The following DAB1 variants were observed in gnomAD, a reference collection of about 807,000 sequenced individuals.
The protein encoded by DAB1 is DAB adaptor protein 1, also known as disabled homolog 1.
Under a neutral mutation model 64.6 loss-of-function variants are expected in DAB1, and 15 were observed. The ratio of observed to expected loss-of-function variants is 0.23; its 90% CI spans 0.16 to 0.36. The LOEUF (loss-of-function observed/expected upper bound fraction) is 0.36, where lower values mean the gene tolerates loss of function less well. Ranked by LOEUF, DAB1 falls within the 10% of genes least tolerant of loss-of-function variation. The pLI is 1.00. For missense variants in DAB1, 596 were observed against 706.7 expected (o/e 0.84, Z 1.78); for synonymous variants, 235 against 251.9 (o/e 0.93, Z 0.64).
At chr1:57,352,432 G>A (rs947406802) in intron 1 of DAB1, among the ~76,000 whole-genome samples, 13 of 152,204 alleles carry the variant, frequency 8.5e-5, no homozygotes, top group South Asian at 4.1e-4. Flanking sequence ...AATGTTGGAC[G>A]AATTTTGGCT....
chr1:57,025,980 CG>C lies in DAB1; in HGVS notation c.786del (p.Thr263LeufsTer70). On this transcript the variant is annotated frameshift_variant and splice_region_variant, in exon 10 of 15. Coordinates refer to ENST00000371236, the MANE Select transcript of DAB1 (RefSeq NM_001365792.1). LOFTEE classifies it high-confidence loss of function. ...MSTPPDITSP[P>X]TPATPGDAFI... ...GGGTTCAGAGAGCAATGCATACTTA[CG>C]GGGGGAGAGGTTATATCAGGGGGTG... 1 of 1,574,330 alleles carries C rather than the reference CG, an allele frequency of 6.4e-7. No homozygotes were observed. The highest frequency in any genetic ancestry group is 1.9e-5 in the Admixed American group (1 of 52,592).
chr1:57,465,379 C>A (rs1161367452), intron 7 of DAB1, among the ~76,000 whole-genome samples: 1 of 152,186 alleles, frequency 6.6e-6, no homozygotes, highest in Non-Finnish European at 1.5e-5. Flanking sequence ...TGATTTTCCA[C>A]CTTTGCCTTC....
intron 6 of DAB1, among the ~76,000 whole-genome samples, chr1:57,692,627 C>G (rs1330542329): frequency 6.6e-6 from 1 of 152,116 alleles, no homozygotes; most frequent in African/African-American, 2.4e-5. Flanking sequence ...TTCTGTCTAC[C>G]AGCCAAGGCA....
intron 4 of DAB1, among the ~76,000 whole-genome samples, chr1:57,078,313 G>A (rs978179724): frequency 6.6e-6 from 1 of 152,174 alleles, no homozygotes; most frequent in Non-Finnish European, 1.5e-5. Flanking sequence ...TGTGGAATCA[G>A]AAGAAATGCA....
At chr1:57,848,265 G>C (rs1653373684) in intron 1 of DAB1, among the ~76,000 whole-genome samples, 1 of 152,204 alleles carries the variant, frequency 6.6e-6, no homozygotes, top group African/African-American at 2.4e-5. Flanking sequence ...AGTGAATCTA[G>C]ACACTAATGA....
At chr1:58,393,947 TAA>T (rs765532857) in intron 3 of DAB1, among the ~76,000 whole-genome samples, 2 of 152,210 alleles carry the variant, frequency 1.3e-5, no homozygotes, top group Non-Finnish European at 2.9e-5. Context: ...TTCCATTATG[TAA>T]ACGTATTTCA....
At chr1:58,499,515 TAG>T (rs1349547548) in intron 3 of DAB1, among the ~76,000 whole-genome samples, 2 of 151,894 alleles carry the variant, frequency 1.3e-5, no homozygotes, top group African/African-American at 4.8e-5. Flanking sequence ...GATAAATAGA[TAG>T]ATAGATAGAT....
intron 1 of DAB1, among the ~76,000 whole-genome samples, chr1:57,386,039 T>G (rs1681786637): frequency 6.6e-6 from 1 of 152,120 alleles, no homozygotes; most frequent in South Asian, 2.1e-4. Flanking sequence ...GGTGAGTGAC[T>G]GGGCTACTCA....
At chr1:57,474,490 A>G (rs1289359943) in intron 7 of DAB1, among the ~76,000 whole-genome samples, 1 of 152,232 alleles carries the variant, frequency 6.6e-6, no homozygotes, top group African/African-American at 2.4e-5. Context: ...GTTTGGATCC[A>G]TTAGGAAGTA....
rs184676327 is a variant in DAB1 at position 57,089,936 on chromosome 1, C to T, written c.307-17522G>A. 1.2e-4 allele frequency among the ~76,000 whole-genome samples: 18 copies of T among 152,212 alleles called. No individual in the cohort carries two copies. The East Asian group carries it at 2.7e-3, about 23-fold the overall frequency. On this transcript the variant is annotated intron_variant, in intron 4 of 14. Transcript: ENST00000371236. The stretch of plus-strand genomic sequence containing the variant: ...ATATATAATTGCATATTTTATAATA[C>T]GAGGCAGATAAGAATGTGACTGAGT...
chr1:58,207,888 C>A (rs1263845864), intron 4 of DAB1, among the ~76,000 whole-genome samples: 1 of 152,094 alleles, frequency 6.6e-6, no homozygotes, highest in Non-Finnish European at 1.5e-5. Flanking sequence ...GAAGGACATA[C>A]CTGAGACTGA....
chr1:57,621,935 G>A (rs1645864562), intron 7 of DAB1, among the ~76,000 whole-genome samples: 1 of 152,298 alleles, frequency 6.6e-6, no homozygotes, highest in African/African-American at 2.4e-5. Flanking sequence ...CAGACATAGA[G>A]CAAGGCATCA....
At chr1:57,299,242 A>T (rs1447437336) in intron 1 of DAB1, among the ~76,000 whole-genome samples, 1 of 152,236 alleles carries the variant, frequency 6.6e-6, no homozygotes, top group East Asian at 1.9e-4. Context: ...TAAAATCTTG[A>T]ATTAAACAAA....
intron 4 of DAB1, among the ~76,000 whole-genome samples, chr1:57,135,746 G>T (rs146487620): frequency 0.012 from 1,780 of 152,202 alleles, 35 homozygotes; most frequent in Non-Finnish European, 0.014. Flanking sequence ...ATGTAACTCC[G>T]CTGGTTAAGT....
intron 1 of DAB1, among the ~76,000 whole-genome samples, chr1:57,831,108 T>C (rs181205877): frequency 1.3e-4 from 20 of 152,088 alleles, no homozygotes; most frequent in African/African-American, 4.8e-4. Context: ...ATAGACGGGG[T>C]TTCACCACGT....
At chr1:57,212,589 G>A (rs565512254) in intron 2 of DAB1, among the ~76,000 whole-genome samples, 10 of 151,704 alleles carry the variant, frequency 6.6e-5, no homozygotes, top group East Asian at 3.9e-4. Flanking sequence ...GGATGTTCTC[G>A]ATCTCCTAAC....
intron 1 of DAB1, among the ~76,000 whole-genome samples, chr1:57,843,951 C>G (rs1257278775): frequency 2.0e-5 from 3 of 152,230 alleles, no homozygotes; most frequent in Admixed American, 6.5e-5. Flanking sequence ...TGGAAGTTCT[C>G]TAGCCTAATG....
chr1:58,224,367 C>A (rs1289375376), intron 4 of DAB1, among the ~76,000 whole-genome samples: 1 of 152,126 alleles, frequency 6.6e-6, no homozygotes, highest in Non-Finnish European at 1.5e-5. Flanking sequence ...TAAAGGCAAC[C>A]TCACTAAAGG....
intron 2 of DAB1, among the ~76,000 whole-genome samples, chr1:57,227,062 G>A (rs1327248948): frequency 6.6e-6 from 1 of 151,688 alleles, no homozygotes; most frequent in African/African-American, 2.4e-5. Context: ...TGTAGTCCCA[G>A]CTACTTGGAG....
Sources: allele counts gnomAD v4.1 joint callset (sites outside exome capture counted in the v4.1 genomes callset), GRCh38; gene constraint gnomAD v4.1.1; transcripts MANE v1.5; gene names NCBI Gene and HGNC (gene_info 2026-07-23, HGNC 2026-07-21).